The following TP63 variants were observed in gnomAD, a reference collection of about 807,000 sequenced individuals.
The protein encoded by TP63 is tumor protein p63, also known as tumor protein 63.
TP63 carries 17 observed loss-of-function variants against 82.8 expected under a neutral mutation model. The ratio of observed to expected loss-of-function variants is 0.21; its 90% confidence interval spans 0.14 to 0.31. The LOEUF (loss-of-function observed/expected upper bound fraction) is 0.31. TP63 is among the 10% of genes least tolerant of loss of function. The pLI is 1.00. For missense variants in TP63, 648 were observed against 895.3 expected, an observed-to-expected ratio of 0.72 and a Z score of 3.52; for synonymous variants, 330 against 321.7, an observed-to-expected ratio of 1.03 and a Z score of -0.28.
Position 189,890,715 on chromosome 3 carries a change from C to G in TP63, c.1653-74C>G, listed in dbSNP as rs915467681. 4.9e-6 allele frequency: 7 copies of G among 1,418,656 alleles called. No homozygotes were observed. The African/African-American group carries it at 9.8e-5, about 20-fold the overall frequency. The allele number at this position is 1,418,656 out of a possible 1,614,324, so 87.9% of individuals were successfully genotyped here. A position where few individuals can be genotyped will look rare whatever the true frequency, so the allele number is the denominator to read the frequency against. On this transcript the variant is annotated intron_variant, in intron 12 of 13. Transcript: ENST00000264731. ...AAGGGCAAAATATATTGGGTTTTCCCTTATCTCGCCAATGCAGTTGGGGTG... is the reference window on the plus strand; with the variant it reads ...AAGGGCAAAATATATTGGGTTTTCCGTTATCTCGCCAATGCAGTTGGGGTG...
chr3:189,751,232 G>T (rs1355962286), intron 3 of TP63, among the ~76,000 whole-genome samples: 1 of 152,134 alleles, frequency 6.6e-6, no homozygotes, highest in African/African-American at 2.4e-5. Flanking sequence ...ATGGACCTTT[G>T]GGTTGGTTCC....
At chr3:189,722,809 A>G (rs1023744438) in intron 1 of TP63, among the ~76,000 whole-genome samples, 1 of 152,256 alleles carries the variant, frequency 6.6e-6, no homozygotes, top group Non-Finnish European at 1.5e-5. Flanking sequence ...ATTACATCAT[A>G]CTATTTTGTT....
intron 1 of TP63, among the ~76,000 whole-genome samples, chr3:189,682,942 A>G (rs1156689178): frequency 6.6e-6 from 1 of 152,136 alleles, no homozygotes; most frequent in African/African-American, 2.4e-5. Context: ...GAGCGCTTAC[A>G]TCCATCAAAA....
chr3:189,703,338 G>A (rs1045760908), intron 1 of TP63, among the ~76,000 whole-genome samples: 2 of 152,164 alleles, frequency 1.3e-5, no homozygotes, highest in African/African-American at 4.8e-5. Context: ...GGAGGCTGAG[G>A]CAGGAGGAGA....
chr3:189,660,636 T>C (rs1446781361), intron 1 of TP63, among the ~76,000 whole-genome samples: 1 of 152,140 alleles, frequency 6.6e-6, no homozygotes, highest in Non-Finnish European at 1.5e-5. Flanking sequence ...ATGTTGAATC[T>C]GTAGATTGAT....
intron 10 of TP63, among the ~76,000 whole-genome samples, chr3:189,874,433 C>A (rs1203004793): frequency 2.6e-5 from 4 of 152,094 alleles, no homozygotes; most frequent in Non-Finnish European, 5.9e-5. Flanking sequence ...TTTCTGAGCA[C>A]CTGTTATCTA....
intron 10 of TP63, among the ~76,000 whole-genome samples, chr3:189,884,878 T>A (rs1008366431): frequency 2.6e-5 from 4 of 152,326 alleles, no homozygotes; most frequent in Admixed American, 1.3e-4. Context: ...CCTTCCTTAT[T>A]TTCATGTAAT....
chr3:189,803,022 G>A (rs7638319), intron 3 of TP63, among the ~76,000 whole-genome samples: 20,647 of 152,164 alleles, frequency 0.14, 1,496 homozygotes, highest in East Asian at 0.27. Flanking sequence ...CTCTTGGCCA[G>A]GTGTGGTGTC....
chr3:189,867,993 G>T, intron 7 of TP63, 51 bp downstream of exon 7: 1 of 1,479,072 alleles, frequency 6.8e-7, no homozygotes, highest in Non-Finnish European at 9.4e-7. Context: ...CACGAGCAGA[G>T]GGCAAAGTGA....
chr3:189,618,985 G>A, the TP63 span, among the ~76,000 whole-genome samples: 16 of 152,218 alleles, frequency 1.1e-4, no homozygotes, highest in South Asian at 6.2e-4. Context: ...TAAAGCCCAC[G>A]TCATAAGAAA....
At chr3:189,878,588 TTTTTC>T (rs1358429376) in intron 10 of TP63, among the ~76,000 whole-genome samples, 4 of 86,798 alleles carry the variant, frequency 4.6e-5, no homozygotes, top group African/African-American at 1.3e-4. Context: ...TATAATTTTT[TTTTTC>T]TTTTTTTTTT....
chr3:189,859,536 A>T (rs561785621), intron 4 of TP63, among the ~76,000 whole-genome samples: 4 of 152,224 alleles, frequency 2.6e-5, no homozygotes, highest in Admixed American at 2.6e-4. Context: ...GAATGACATC[A>T]ATTAAAATAA....
intron 1 of TP63, among the ~76,000 whole-genome samples, chr3:189,676,762 T>C (rs1456660220): frequency 6.6e-6 from 1 of 152,072 alleles, no homozygotes; most frequent in African/African-American, 2.4e-5. Flanking sequence ...TGTTAGGAAC[T>C]GGACCACATA....
In TP63 at chr3:189,854,965, A is replaced by C. The variant is rs1205287394; in HGVS notation, c.580-9267A>C. ...AAAAGGGATGAAGATTAAATAAGGA[A>C]GGACATTTGAAATGCAGCAGAAGAA... On this transcript the variant is annotated intron_variant, in intron 4 of 13. Coordinates refer to ENST00000264731, the MANE Select transcript of TP63 (RefSeq NM_003722.5). Among the ~76,000 whole-genome samples the C allele has an allele frequency of 2.0e-5, 3 of 152,226 alleles. No individual in the cohort carries two copies. The East Asian group carries it at 5.8e-4, about 29-fold the overall frequency.
intron 4 of TP63, chr3:189,844,189 T>C: frequency 2.6e-6 from 1 of 383,428 alleles, no homozygotes; most frequent in African/African-American, 2.2e-5. Flanking sequence ...TTTTTTTCTT[T>C]GAGACAGAGT....
At chr3:189,851,534 C>T (rs1247031106) in intron 4 of TP63, among the ~76,000 whole-genome samples, 1 of 152,152 alleles carries the variant, frequency 6.6e-6, no homozygotes, top group East Asian at 1.9e-4. Context: ...AGGATCGCGC[C>T]ACTGCACTCC....
chr3:189,719,560 G>T (rs1406318366), intron 1 of TP63, among the ~76,000 whole-genome samples: 1 of 152,086 alleles, frequency 6.6e-6, no homozygotes, highest in Non-Finnish European at 1.5e-5. Context: ...AAGTTTTTCT[G>T]TAAAAAAATC....
At chr3:189,818,842 G>T (rs1390163602) in intron 4 of TP63, among the ~76,000 whole-genome samples, 1 of 152,190 alleles carries the variant, frequency 6.6e-6, no homozygotes, top group Non-Finnish European at 1.5e-5. Flanking sequence ...CTCAAAGGCA[G>T]CTAGATATGA....
intron 3 of TP63, among the ~76,000 whole-genome samples, chr3:189,765,433 CTTTTTTT>C (rs576530590): frequency 2.3e-4 from 7 of 30,090 alleles, no homozygotes; most frequent in Admixed American, 1.1e-3. Flanking sequence ...CTGTCCTCTG[CTTTTTTT>C]TTTTTTTTTT....
Sources: allele counts gnomAD v4.1 joint callset (sites outside exome capture counted in the v4.1 genomes callset), GRCh38; gene constraint gnomAD v4.1.1; transcripts MANE v1.5; gene names NCBI Gene and HGNC (gene_info 2026-07-23, HGNC 2026-07-21).